SMC6: variants seen among roughly 807,000 people sequenced by gnomAD.
The protein encoded by SMC6 is structural maintenance of chromosomes 6.
Under a neutral mutation model 142.2 loss-of-function variants are expected in SMC6, and 79 were observed. The observed-to-expected ratio is 0.56, with a 90% confidence interval of 0.46 to 0.67. SMC6 has a LOEUF of 0.67. Among genes scored for constraint, SMC6 ranks in the 30% least tolerant of loss-of-function variants. The probability of loss-of-function intolerance (pLI) is 0.00; values close to 1 mark genes in which losing one functional copy is unlikely to be tolerated. For missense variants in SMC6, 1,072 were observed against 1,284.0 expected, an observed-to-expected ratio of 0.83 and a Z score of 2.52; for synonymous variants, 411 against 412.4, an observed-to-expected ratio of 1.00 and a Z score of 0.04.
At position 17,725,260 on chromosome 2, in the gene SMC6, T is replaced by C. The variant is rs747314860; in HGVS notation, c.723A>G (p.Glu241=). 22 of 1,602,142 alleles carry C rather than the reference T, an allele frequency of 1.4e-5. No homozygotes were observed. The Admixed American group carries it at 3.8e-4, about 28-fold the overall frequency. ...TTTACATTAACTGTTTACAAACCTCTTCTCCTTGATGTATCTGCTCCTTTG... is the reference window on the plus strand; with the variant it reads ...TTTACATTAACTGTTTACAAACCTCCTCTCCTTGATGTATCTGCTCCTTTG... ...ERTKEQIHQG[E]ERLTELKRQC... The change falls in exon 9 of 28, where the codon GAA becomes GAG. Residue 241 remains glutamate, a synonymous_variant. Coordinates refer to ENST00000448223, the MANE Select transcript of SMC6 (RefSeq NM_001142286.2).
intron 3 of SMC6, among the ~76,000 whole-genome samples, chr2:17,742,369 G>A (rs986656716): frequency 6.6e-6 from 1 of 152,152 alleles, no homozygotes; most frequent in Non-Finnish European, 1.5e-5. Flanking sequence ...TATGGCAACT[G>A]TGTGACTTTT....
chr2:17,706,694 G>A (rs1040451978), intron 18 of SMC6, among the ~76,000 whole-genome samples: 1 of 152,062 alleles, frequency 6.6e-6, no homozygotes, highest in African/African-American at 2.4e-5. Flanking sequence ...GCATGCTCAT[G>A]AATCTCTTAA....
intron 18 of SMC6, among the ~76,000 whole-genome samples, chr2:17,706,595 T>A (rs565122213): frequency 1.3e-5 from 2 of 152,242 alleles, no homozygotes; most frequent in South Asian, 4.1e-4. Flanking sequence ...TTCTAAGTCA[T>A]TAATTCAGGC....
At chr2:17,716,621 T>C in intron 14 of SMC6, 120 bp downstream of exon 14, 1 of 1,054,758 alleles carries the variant, frequency 9.5e-7, no homozygotes, top group Non-Finnish European at 1.3e-6. Context: ...AATAAAATCT[T>C]TTTAAAAAGA....
chr2:17,731,550 T>C (rs973210693), intron 6 of SMC6, among the ~76,000 whole-genome samples, 191 bp downstream of exon 6: 9 of 152,226 alleles, frequency 5.9e-5, no homozygotes, highest in Non-Finnish European at 1.3e-4. Flanking sequence ...ATCATGCTTT[T>C]GGTGCTATAA....
chr2:17,691,332 G>A (rs1036351446), intron 23 of SMC6, among the ~76,000 whole-genome samples: 1 of 97,428 alleles, frequency 1.0e-5, no homozygotes, highest in African/African-American at 5.9e-5. Context: ...GTGTGTGTGT[G>A]TCTCTGTGTG....
Position 17,665,310 on chromosome 2 carries a change from G to A in SMC6, c.*189C>T, listed in dbSNP as rs868289178. On this transcript the variant is annotated 3_prime_UTR_variant, in exon 28 of 28. Transcript: ENST00000448223. ...TGAAATTGATTTTCTTAAAGTAATAGTAATCTTAAATTGCAGGTTGTAGTT... is the reference window on the plus strand; with the variant it reads ...TGAAATTGATTTTCTTAAAGTAATAATAATCTTAAATTGCAGGTTGTAGTT... The A allele has an allele frequency of 7.0e-5, 27 of 385,846 alleles. No homozygotes were observed. The highest frequency in any genetic ancestry group is 5.0e-4 in the African/African-American group (24 of 48,188). The allele number at this position is 385,846 out of a possible 1,614,324, so 23.9% of individuals were successfully genotyped here.
chr2:17,672,205 T>C (rs1666792259), intron 25 of SMC6, among the ~76,000 whole-genome samples: 1 of 152,142 alleles, frequency 6.6e-6, no homozygotes, highest in African/African-American at 2.4e-5. Context: ...AAGCCCCAAG[T>C]AAATCTGGGG....
intron 18 of SMC6, 59 bp downstream of exon 18, chr2:17,707,160 A>G: frequency 7.5e-7 from 1 of 1,329,314 alleles, no homozygotes; most frequent in Admixed American, 2.8e-5. Context: ...AATATGAAAG[A>G]AAATGAACCC....
At chr2:17,675,838 A>G (rs1041123516) in intron 25 of SMC6, among the ~76,000 whole-genome samples, 1 of 151,980 alleles carries the variant, frequency 6.6e-6, no homozygotes, top group African/African-American at 2.4e-5. Flanking sequence ...AATTTCAGGT[A>G]TGGTTTTCTT....
chr2:17,696,255 A>G (rs917560434), intron 22 of SMC6, 34 bp downstream of exon 22: 49 of 1,574,946 alleles, frequency 3.1e-5, no homozygotes, highest in Non-Finnish European at 4.1e-5. Context: ...GCTAAGGCTG[A>G]AAACAAAATA....
intron 26 of SMC6, among the ~76,000 whole-genome samples, chr2:17,666,973 G>A (rs930873371): frequency 2.0e-5 from 3 of 152,160 alleles, no homozygotes; most frequent in East Asian, 1.9e-4. Context: ...CAGAGTGAAA[G>A]CCCATCTCTA....
intron 26 of SMC6, among the ~76,000 whole-genome samples, chr2:17,667,789 G>T (rs779631235): frequency 2.0e-5 from 3 of 152,182 alleles, no homozygotes; most frequent in Non-Finnish European, 4.4e-5. Flanking sequence ...GGCGGAGGTC[G>T]CAGTGAGCTG....
chr2:17,738,201 G>T lies in SMC6; in HGVS notation c.344+20C>A. ...TCTTACTAAAGAATTGAAAATAGAT[G>T]GTAGAAAGCAAACACTTACTTCTGT... On this transcript the variant is annotated intron_variant, in intron 5 of 27. Transcript: ENST00000448223. 1 of 1,534,544 alleles carries T rather than the reference G, an allele frequency of 6.5e-7. No individual in the cohort carries two copies. The highest frequency in any genetic ancestry group is 9.0e-7 in the Non-Finnish European group (1 of 1,112,064).
chr2:17,694,254 C>T (rs571091042), intron 23 of SMC6, among the ~76,000 whole-genome samples: 5 of 152,132 alleles, frequency 3.3e-5, no homozygotes, highest in South Asian at 2.1e-4. Context: ...GGTACAACCA[C>T]GCAGTTAGAT....
At chr2:17,675,555 G>A (rs1666959759) in intron 25 of SMC6, among the ~76,000 whole-genome samples, 1 of 151,980 alleles carries the variant, frequency 6.6e-6, no homozygotes, top group Admixed American at 6.6e-5. Flanking sequence ...AATTATTTCA[G>A]CTTTTGTTTG....
intron 11 of SMC6, among the ~76,000 whole-genome samples, chr2:17,718,711 G>A (rs1669229151): frequency 6.6e-6 from 1 of 152,188 alleles, no homozygotes; most frequent in African/African-American, 2.4e-5. Flanking sequence ...AGAGGCAGAT[G>A]AAAGAGCATG....
At chr2:17,714,835 A>C (rs2124990947) in intron 16 of SMC6, 26 bp downstream of exon 16, 1 of 1,605,408 alleles carries the variant, frequency 6.2e-7, no homozygotes, top group Non-Finnish European at 8.5e-7. Context: ...CAAAGCCAGA[A>C]ACATATTCAA....
At chr2:17,701,689 C>T (rs1455656626) in intron 20 of SMC6, 140 bp downstream of exon 20, 2 of 573,000 alleles carry the variant, frequency 3.5e-6, no homozygotes, top group Non-Finnish European at 3.1e-6. Context: ...TAGTTTTTAC[C>T]TTCTTGGTGA....
Sources: allele counts gnomAD v4.1 joint callset (sites outside exome capture counted in the v4.1 genomes callset), GRCh38; gene constraint gnomAD v4.1.1; transcripts MANE v1.5; gene names NCBI Gene and HGNC (gene_info 2026-07-23, HGNC 2026-07-21).